AGBL1: variants seen among roughly 807,000 people sequenced by gnomAD.
The protein encoded by AGBL1 is cytosolic carboxypeptidase 4.
AGBL1 carries 130 observed loss-of-function variants against 118.9 expected under a neutral mutation model. That is an observed-to-expected ratio of 1.09 (90% CI 0.95 to 1.26). The LOEUF is 1.26. AGBL1 is among the 50% of genes most tolerant of loss of function. The pLI is 0.00. For missense variants in AGBL1, 1,584 were observed against 1,298.1 expected, an observed-to-expected ratio of 1.22 and a Z score of -3.38; for synonymous variants, 555 against 478.9, an observed-to-expected ratio of 1.16 and a Z score of -2.08.
At chr15:86,983,208 A>G (rs2081248794) in intron 23 of AGBL1, among the ~76,000 whole-genome samples, 1 of 152,122 alleles carries the variant, frequency 6.6e-6, no homozygotes, top group Non-Finnish European at 1.5e-5. Flanking sequence ...GCTTACTAAT[A>G]TATCTTGCCT....
chr15:86,302,268 C>T (rs977745316), intron 17 of AGBL1, among the ~76,000 whole-genome samples: 8 of 152,066 alleles, frequency 5.3e-5, no homozygotes, highest in Admixed American at 3.3e-4. Flanking sequence ...TACAGTTTTA[C>T]ATAATATCAT....
chr15:86,203,987 TG>T (rs2077948926), intron 5 of AGBL1, among the ~76,000 whole-genome samples: 1 of 152,174 alleles, frequency 6.6e-6, no homozygotes, highest in East Asian at 1.9e-4. Context: ...GTTGCACTCT[TG>T]GCAAGATATT....
intron 22 of AGBL1, among the ~76,000 whole-genome samples, chr15:86,698,110 A>AT (rs1474768515): frequency 1.3e-5 from 2 of 151,866 alleles, no homozygotes; most frequent in African/African-American, 4.8e-5. Context: ...CCTATCCGCC[A>AT]TTTTTTCCTA....
At chr15:86,838,718 C>T (rs1437809043) in intron 22 of AGBL1, among the ~76,000 whole-genome samples, 1 of 151,668 alleles carries the variant, frequency 6.6e-6, no homozygotes, top group East Asian at 1.9e-4. Flanking sequence ...GGCAGAAAGA[C>T]TGCTTGAGCC....
chr15:86,383,614 C>T (rs1051271125), intron 17 of AGBL1, among the ~76,000 whole-genome samples: 2 of 152,040 alleles, frequency 1.3e-5, no homozygotes, highest in Non-Finnish European at 2.9e-5. Flanking sequence ...AATAATAAAA[C>T]ATTTCATTGC....
intron 23 of AGBL1, among the ~76,000 whole-genome samples, chr15:86,949,125 A>G (rs1257533145): frequency 6.6e-6 from 1 of 152,192 alleles, no homozygotes; most frequent in Non-Finnish European, 1.5e-5. Context: ...AAAAAGAAAT[A>G]CTGTAAAGAA....
intron 24 of AGBL1, among the ~76,000 whole-genome samples, chr15:87,011,358 G>A (rs1443417223): frequency 1.3e-5 from 2 of 152,104 alleles, no homozygotes; most frequent in African/African-American, 4.8e-5. Context: ...GATCCATTGA[G>A]AACATGAAAT....
At chr15:86,103,906 A>G (rs111547255) in intron 1 of AGBL1, among the ~76,000 whole-genome samples, 17,302 of 151,750 alleles carry the variant, frequency 0.11, 2,668 homozygotes, top group African/African-American at 0.36. Flanking sequence ...GGTCCTTAGG[A>G]CCCTGGACAG....
chr15:86,702,394 T>A (rs2086375868), intron 22 of AGBL1, among the ~76,000 whole-genome samples: 1 of 152,168 alleles, frequency 6.6e-6, no homozygotes. Flanking sequence ...ATGTAGTCAG[T>A]CCCTTCAATA....
intron 5 of AGBL1, among the ~76,000 whole-genome samples, chr15:86,192,259 G>T (rs1379389719): frequency 6.7e-6 from 1 of 149,294 alleles, no homozygotes; most frequent in East Asian, 2.0e-4. Flanking sequence ...TAAAAATATA[G>T]ATCATTTTAA....
intron 22 of AGBL1, among the ~76,000 whole-genome samples, chr15:86,826,387 G>A (rs1157152816): frequency 1.3e-5 from 2 of 151,990 alleles, no homozygotes; most frequent in Non-Finnish European, 2.9e-5. Context: ...CAGAAGAGTC[G>A]GGGCAATGGA....
chr15:86,081,922 G>A (rs2141432696), intron 1 of AGBL1, among the ~76,000 whole-genome samples: 1 of 152,296 alleles, frequency 6.6e-6, no homozygotes, highest in South Asian at 2.1e-4. Context: ...TGTTTAGCAT[G>A]ATCACCCCGG....
chr15:86,791,922 G>C (rs1164002981), intron 22 of AGBL1, among the ~76,000 whole-genome samples: 2 of 151,990 alleles, frequency 1.3e-5, no homozygotes, highest in African/African-American at 4.8e-5. Context: ...TGTTAGTAGA[G>C]ACAGGGTTTT....
At chr15:86,286,909 C>G (rs917255334) in intron 16 of AGBL1, among the ~76,000 whole-genome samples, 2 of 151,694 alleles carry the variant, frequency 1.3e-5, no homozygotes, top group Non-Finnish European at 1.5e-5. Context: ...TATGGTAATT[C>G]TATTTTTAAT....
chr15:86,976,411 ATTTG>A (rs369285308), intron 23 of AGBL1, among the ~76,000 whole-genome samples: 1 of 151,884 alleles, frequency 6.6e-6, no homozygotes, highest in Non-Finnish European at 1.5e-5. Context: ...ATAGCATTGC[ATTTG>A]TTTGTTTCTT....
rs570345886 is a variant in AGBL1 at position 86,637,628 on chromosome 15, A to G, written c.2995-36645A>G. Among the ~76,000 whole-genome samples, 11 of 152,316 alleles carry G rather than the reference A, an allele frequency of 7.2e-5. No individual in the cohort carries two copies. The South Asian group carries it at 2.1e-3, about 29-fold the overall frequency. On this transcript the variant is annotated intron_variant, in intron 21 of 22. Coordinates refer to ENST00000614907, the MANE Select transcript of AGBL1 (RefSeq NM_001386094.1). ...GCAGAAAGCAGTACTAGCAAAGGCT[A>G]TTGGGGTCATCCCAGGGAAAGATGG...
At chr15:86,763,490 A>G (rs1395341367) in intron 22 of AGBL1, among the ~76,000 whole-genome samples, 2 of 152,006 alleles carry the variant, frequency 1.3e-5, no homozygotes, top group East Asian at 1.9e-4. Context: ...GGGGAGATAG[A>G]TGATGGGGCA....
At chr15:86,846,183 C>T (rs2079314374) in intron 22 of AGBL1, among the ~76,000 whole-genome samples, 1 of 152,098 alleles carries the variant, frequency 6.6e-6, no homozygotes, top group Non-Finnish European at 1.5e-5. Context: ...TTCAGTATTT[C>T]CTGTATGACA....
At chr15:86,316,106 ATTTC>A (rs1183723991) in intron 17 of AGBL1, among the ~76,000 whole-genome samples, 4 of 152,134 alleles carry the variant, frequency 2.6e-5, no homozygotes, top group Non-Finnish European at 5.9e-5. Flanking sequence ...TCCCTCACCT[ATTTC>A]TTTATTCCTA....
Sources: allele counts gnomAD v4.1 joint callset (sites outside exome capture counted in the v4.1 genomes callset), GRCh38; gene constraint gnomAD v4.1.1; transcripts MANE v1.5; gene names NCBI Gene and HGNC (gene_info 2026-07-23, HGNC 2026-07-21).